VPS36: variants seen among roughly 807,000 people sequenced by gnomAD.
VPS36 encodes vacuolar protein sorting 36 homolog.
A neutral mutation model predicts 63.5 loss-of-function variants in VPS36; 31 were observed. The ratio of observed to expected loss-of-function variants is 0.49; its 90% CI spans 0.37 to 0.66. The LOEUF is 0.66. Among genes scored for constraint, VPS36 ranks in the 30% least tolerant of loss-of-function variants. The probability of loss-of-function intolerance (pLI) is 0.00; values close to 1 mark genes in which losing one functional copy is unlikely to be tolerated. For synonymous variants in VPS36, 138 were observed against 157.2 expected (o/e 0.88, Z 0.91); for missense variants, 338 against 463.7 (o/e 0.73, Z 2.49).
rs1420299870 is a variant in VPS36, at chr13:52,420,802, G to A, written c.841-2746C>T. The stretch of plus-strand genomic sequence containing the variant: ...CCCCATAAATACGTACAACTATTAT[G>A]TATCCATAAAAAAGAAAAAATAAAA... On this transcript the variant is annotated intron_variant, in intron 10 of 13. Coordinates refer to ENST00000378060, the MANE Select transcript of VPS36 (RefSeq NM_016075.4). Among the ~76,000 whole-genome samples the A allele has an allele frequency of 2.0e-5, 3 of 152,160 alleles. No homozygotes were observed. In the East Asian group the frequency reaches 5.8e-4, roughly 29 times the overall value.
chr13:52,420,987 GGC>G (rs1172351279), intron 10 of VPS36, among the ~76,000 whole-genome samples: 1 of 152,042 alleles, frequency 6.6e-6, no homozygotes, highest in Non-Finnish European at 1.5e-5. Flanking sequence ...CTGGTGTGGT[GGC>G]ACACGGCTGT....
intron 1 of VPS36, 96 bp downstream of exon 1, chr13:52,450,403 A>ACCGGGCCGCGCCGAC (rs1221494852): frequency 3.0e-6 from 4 of 1,347,052 alleles, no homozygotes; most frequent in South Asian, 3.3e-5. Flanking sequence ...TAAGCCGGGG[A>ACCGGGCCGCGCCGAC]CCGGGCCGCG....
intron 6 of VPS36, among the ~76,000 whole-genome samples, 155 bp downstream of exon 6, chr13:52,433,507 A>G (rs1958181405): frequency 6.6e-6 from 1 of 152,222 alleles, no homozygotes; most frequent in African/African-American, 2.4e-5. Context: ...AGATTTTGCC[A>G]GCCCGAGGTA....
intron 12 of VPS36, among the ~76,000 whole-genome samples, chr13:52,416,560 C>T (rs1957994607): frequency 6.6e-6 from 1 of 152,136 alleles, no homozygotes; most frequent in African/African-American, 2.4e-5. Context: ...ACAGGCTCAC[C>T]ATAGAAGCTA....
At chr13:52,439,466 G>A (rs188854943) in intron 2 of VPS36, among the ~76,000 whole-genome samples, 378 of 151,102 alleles carry the variant, frequency 2.5e-3, no homozygotes, top group African/African-American at 7.0e-3. Context: ...TTTTTTTTGA[G>A]GCGGAGTCTC....
rs531234292 is a variant in VPS36, at chr13:52,420,252, A to G, written c.841-2196T>C. ...AGTTAAGACTGTCTCAAAAAAAAAA[A>G]GGGGGGGAATAAGATATAGCATTCA... On this transcript the variant is annotated intron_variant, in intron 10 of 13. Coordinates refer to ENST00000378060, the MANE Select transcript of VPS36 (RefSeq NM_016075.4). Among the ~76,000 whole-genome samples, 182 of 151,086 alleles carry G rather than the reference A, an allele frequency of 1.2e-3. 1 individual carries two copies. The highest frequency in any genetic ancestry group is 5.0e-3 in the Admixed American group (76 of 15,150).
chr13:52,426,847 T>TC, intron 8 of VPS36, 142 bp downstream of exon 8: 1 of 571,870 alleles, frequency 1.7e-6, no homozygotes, highest in Non-Finnish European at 2.9e-6. Context: ...GGAGCGACAC[T>TC]CCGTCTCATA....
chr13:52,424,653 G>A (rs982257131), intron 9 of VPS36, among the ~76,000 whole-genome samples: 19 of 152,076 alleles, frequency 1.2e-4, no homozygotes, highest in African/African-American at 4.6e-4. Context: ...CCAACAAACT[G>A]CAATGAATCC....
chr13:52,421,925 G>A (rs1196254758), intron 10 of VPS36, among the ~76,000 whole-genome samples: 1 of 152,092 alleles, frequency 6.6e-6, no homozygotes, highest in Non-Finnish European at 1.5e-5. Flanking sequence ...TCAAGTCAGG[G>A]TTATTTGGGG....
intron 2 of VPS36, among the ~76,000 whole-genome samples, 193 bp downstream of exon 2, chr13:52,442,184 A>G (rs1475324063): frequency 6.6e-6 from 1 of 152,222 alleles, no homozygotes; most frequent in Non-Finnish European, 1.5e-5. Context: ...AAAAAGAAGA[A>G]AAAGCTCCAG....
At chr13:52,440,377 T>A (rs1958264681) in intron 2 of VPS36, among the ~76,000 whole-genome samples, 1 of 152,166 alleles carries the variant, frequency 6.6e-6, no homozygotes, top group Non-Finnish European at 1.5e-5. Flanking sequence ...CATCACAACC[T>A]CTGCCTCCCA....
intron 13 of VPS36, 23 bp downstream of exon 13, chr13:52,415,994 T>A: frequency 6.2e-7 from 1 of 1,613,062 alleles, no homozygotes; most frequent in Non-Finnish European, 8.5e-7. Flanking sequence ...TACATTGTAA[T>A]GAAAGGTAAG....
intron 1 of VPS36, among the ~76,000 whole-genome samples, chr13:52,445,025 A>T (rs151136361): frequency 1.1e-3 from 165 of 152,348 alleles, no homozygotes; most frequent in African/African-American, 3.8e-3. Context: ...TATTAATAGC[A>T]TTAAGTAGTA....
chr13:52,434,828 C>T lies in VPS36; in HGVS notation c.406G>A (p.Val136Ile). 1 of 1,613,996 alleles carries T rather than the reference C, an allele frequency of 6.2e-7. No individual in the cohort carries two copies. The highest frequency in any genetic ancestry group is 8.5e-7 in the Non-Finnish European group (1 of 1,179,986). Reference sequence around the variant, plus strand: ...CTATTTGTTTGTAATGACTGGGAAACTGGCATATTCTCCCATCTTCTTTGT... The same window carrying T: ...CTATTTGTTTGTAATGACTGGGAAATTGGCATATTCTCCCATCTTCTTTGT... Reference protein sequence around the residue: ...MTQRRWENMPVSQSLQTNRGP... With the variant: ...MTQRRWENMPISQSLQTNRGP... Residue 136 changes from valine (V) to isoleucine (I), a missense_variant, in exon 5 of 14, where the codon GTT (valine) becomes ATT (isoleucine). Transcript: ENST00000378060.
intron 9 of VPS36, among the ~76,000 whole-genome samples, chr13:52,424,610 A>AAAAC (rs762475827): frequency 5.9e-5 from 9 of 152,154 alleles, no homozygotes; most frequent in East Asian, 5.8e-4. Context: ...CATGAAATTA[A>AAAAC]AAACAAACAA....
chr13:52,419,248 T>C (rs1203082505), intron 10 of VPS36, among the ~76,000 whole-genome samples: 1 of 152,182 alleles, frequency 6.6e-6, no homozygotes, highest in Non-Finnish European at 1.5e-5. Context: ...GACATCTGGA[T>C]GTGAAGGAGG....
chr13:52,416,394 G>T lies in VPS36; in HGVS notation c.991-301C>A, dbSNP rs1957992755. 1.1e-5 allele frequency: 3 copies of T among 266,486 alleles called. No homozygotes were observed. The Admixed American group carries it at 1.5e-4, about 13-fold the overall frequency. The allele number at this position is 266,486 out of a possible 1,614,324, so 16.5% of individuals were successfully genotyped here. ...AAAGAACTATTTGATATTCTGAAAA[G>T]GAATATGTAACAAATTCTGAGTACA... is the stretch of plus-strand genomic sequence containing the variant. On this transcript the variant is annotated intron_variant, in intron 12 of 13. Coordinates refer to ENST00000378060, the MANE Select transcript of VPS36 (RefSeq NM_016075.4).
chr13:52,426,587 A>C (rs545276217), intron 8 of VPS36, among the ~76,000 whole-genome samples: 6 of 152,328 alleles, frequency 3.9e-5, no homozygotes, highest in African/African-American at 1.4e-4. Context: ...AAAGAAATAA[A>C]ACAGGCTGGG....
intron 1 of VPS36, among the ~76,000 whole-genome samples, chr13:52,444,096 G>A (rs1958309533): frequency 6.6e-6 from 1 of 152,192 alleles, no homozygotes; most frequent in Non-Finnish European, 1.5e-5. Flanking sequence ...TAAATTCTAA[G>A]GAAAGCATTT....
Sources: allele counts gnomAD v4.1 joint callset (sites outside exome capture counted in the v4.1 genomes callset), GRCh38; gene constraint gnomAD v4.1.1; transcripts MANE v1.5; gene names NCBI Gene and HGNC (gene_info 2026-07-23, HGNC 2026-07-21).